TG: variants seen among roughly 807,000 people sequenced by gnomAD.
TG encodes thyroglobulin, also known as thyroid hormones.
Under a neutral mutation model 324.7 loss-of-function variants are expected in TG, and 270 were observed. The ratio of observed to expected loss-of-function variants is 0.83; its 90% confidence interval spans 0.75 to 0.92. The LOEUF (loss-of-function observed/expected upper bound fraction) is 0.92, where lower values mean the gene tolerates loss of function less well. TG is among the 40% of genes least tolerant of loss of function. The probability of loss-of-function intolerance (pLI) is 0.00; values close to 1 mark genes in which losing one functional copy is unlikely to be tolerated. For synonymous variants in TG, 1,401 were observed against 1,327.0 expected (o/e 1.06, Z -1.21); for missense variants, 3,591 against 3,456.4 (o/e 1.04, Z -0.98).
Position 133,011,809 on chromosome 8 carries a change from G to C in TG, c.6263-92G>C. On this transcript the variant is annotated intron_variant, in intron 35 of 47. Transcript: ENST00000220616. ...GAGACCAAGAGGAGGATGCCCCTAA[G>C]GCTGCCTTTGGGGATATTGGGTAAT... 2.5e-6 allele frequency: 4 copies of C among 1,570,876 alleles called. No individual in the cohort carries two copies. The South Asian group carries it at 4.4e-5, about 17-fold the overall frequency.
rs940078 is a variant in TG at position 133,018,172 on chromosome 8, A to T, written c.6782+175A>T. On this transcript the variant is annotated intron_variant, in intron 38 of 47. Transcript: ENST00000220616. ...GCTGTGACAGATAAACTCCTAAGTA[A>T]CAGTGGCTTAACACTGTTTTGCTCA... Among the ~76,000 whole-genome samples, 70,869 of 152,128 alleles carry T rather than the reference A, an allele frequency of 0.47. 17,254 individuals are homozygous for T. Among genetic ancestry groups the T allele is most frequent in the African/African-American group, 0.59 (24,459 of 41,484 alleles).
intron 16 of TG, among the ~76,000 whole-genome samples, chr8:132,901,775 C>T (rs2132291855): frequency 6.6e-6 from 1 of 152,228 alleles, no homozygotes; most frequent in Non-Finnish European, 1.5e-5. Context: ...GGGCAGGGAA[C>T]CCCCAGAACT....
At position 132,937,254 on chromosome 8, in the gene TG, C is replaced by T. The variant is rs186860981; in HGVS notation, c.5041+1390C>T. On this transcript the variant is annotated intron_variant, in intron 25 of 47. Coordinates refer to ENST00000220616, the MANE Select transcript of TG (RefSeq NM_003235.5). The stretch of plus-strand genomic sequence containing the variant: ...GGTTCGTAACTCAGGGCAAGTGGCT[C>T]GGGGCTTCCAGCAGCTTCAGACTTG... 2.0e-4 allele frequency among the ~76,000 whole-genome samples: 30 copies of T among 152,226 alleles called. No individual in the cohort carries two copies. In the East Asian group the frequency reaches 2.3e-3, roughly 12 times the overall value.
At chr8:132,899,869 G>A (rs1817665094) in intron 14 of TG, among the ~76,000 whole-genome samples, 1 of 152,162 alleles carries the variant, frequency 6.6e-6, no homozygotes, top group South Asian at 2.1e-4. Context: ...TCTGGAATTA[G>A]TGAGGCTGGT....
chr8:132,932,292 A>G (rs780154773), intron 23 of TG, among the ~76,000 whole-genome samples: 17 of 152,166 alleles, frequency 1.1e-4, no homozygotes, highest in Non-Finnish European at 1.8e-4. Context: ...TGTCATCTCA[A>G]TAGAGCTGCA....
At chr8:133,005,794 G>A (rs190264041) in intron 35 of TG, among the ~76,000 whole-genome samples, 5 of 152,246 alleles carry the variant, frequency 3.3e-5, no homozygotes, top group African/African-American at 7.2e-5. Flanking sequence ...TCTAACCAGC[G>A]TTGGCTCCCC....
intron 41 of TG, among the ~76,000 whole-genome samples, chr8:133,086,012 C>A (rs768518175): frequency 7.9e-5 from 12 of 152,176 alleles, no homozygotes; most frequent in Non-Finnish European, 8.8e-5. Context: ...AATATGGTTT[C>A]TCTATACAAT....
chr8:132,995,920 A>G (rs1832834826), intron 35 of TG, among the ~76,000 whole-genome samples: 1 of 152,226 alleles, frequency 6.6e-6, no homozygotes, highest in Non-Finnish European at 1.5e-5. Flanking sequence ...ACACAAGCTC[A>G]TAAACTGAAC....
intron 43 of TG, among the ~76,000 whole-genome samples, chr8:133,110,724 A>G (rs1023840912): frequency 2.6e-5 from 4 of 152,206 alleles, no homozygotes; most frequent in African/African-American, 9.7e-5. Flanking sequence ...ACTTAACTCC[A>G]TTTTGCCTAT....
intron 14 of TG, 163 bp downstream of exon 14, chr8:132,899,073 C>T: frequency 1.4e-6 from 1 of 699,532 alleles, no homozygotes; most frequent in Non-Finnish European, 2.6e-6. Flanking sequence ...TGACCTTGGG[C>T]TATTTACTTA....
At chr8:132,951,731 A>G (rs1020362868) in intron 27 of TG, among the ~76,000 whole-genome samples, 2 of 152,222 alleles carry the variant, frequency 1.3e-5, no homozygotes, top group African/African-American at 4.8e-5. Flanking sequence ...AAGGCTGAGT[A>G]GGAGGCTACC....
chr8:132,939,393 G>A (rs73710707), intron 25 of TG, among the ~76,000 whole-genome samples: 2,025 of 152,294 alleles, frequency 0.013, 53 homozygotes, highest in African/African-American at 0.046. Context: ...GGAGAGGGAC[G>A]GTAGAGGGTT....
intron 41 of TG, chr8:133,094,476 G>C (rs1309186474): frequency 5.7e-6 from 1 of 175,242 alleles, no homozygotes. Flanking sequence ...TCCTGACCTT[G>C]TGATCCGCCC....
intron 5 of TG, among the ~76,000 whole-genome samples, chr8:132,879,336 T>G (rs2132105350): frequency 2.0e-5 from 3 of 152,310 alleles, no homozygotes; most frequent in Middle Eastern, 6.8e-3. Flanking sequence ...GAACGAGCAC[T>G]GGAAATGGAC....
At chr8:132,890,629 C>G (rs536049641) in intron 10 of TG, among the ~76,000 whole-genome samples, 1 of 152,286 alleles carries the variant, frequency 6.6e-6, no homozygotes, top group South Asian at 2.1e-4. Flanking sequence ...CTAAGAGAGG[C>G]TCTTTTGAGT....
chr8:132,867,074 T>G lies in TG; in HGVS notation c.67+7T>G. 2 of 1,595,032 alleles carry G rather than the reference T, an allele frequency of 1.3e-6. No individual in the cohort carries two copies. Among genetic ancestry groups the G allele is most frequent in the Non-Finnish European group, 8.6e-7 (1 of 1,169,154 alleles). ...GTGTCGGCCAATATCTTCGGTAAGT[T>G]CTGAGGCCATGGAGCCAGGCGGTGG... On this transcript the variant is annotated splice_region_variant and intron_variant, in intron 1 of 47. Coordinates refer to ENST00000220616, the MANE Select transcript of TG (RefSeq NM_003235.5).
At chr8:133,074,402 G>T (rs1014070139) in intron 41 of TG, among the ~76,000 whole-genome samples, 1 of 152,106 alleles carries the variant, frequency 6.6e-6, no homozygotes, top group Non-Finnish European at 1.5e-5. Context: ...ACTGGCCTGG[G>T]CACCTAGCAT....
chr8:132,893,686 C>T lies in TG; in HGVS notation c.2762-4C>T, dbSNP rs372101475. 47 of 1,613,488 alleles carry T rather than the reference C, an allele frequency of 2.9e-5. No individual in the cohort carries two copies. The highest frequency in any genetic ancestry group is 1.6e-4 in the Middle Eastern group (1 of 6,082). ...GTCCATCTGTGTTATTTTTATTCCCCTAGGTCCTGGCTCCTGTGAGGAAGC... is the reference window on the plus strand; with the variant it reads ...GTCCATCTGTGTTATTTTTATTCCCTTAGGTCCTGGCTCCTGTGAGGAAGC... On this transcript the variant is annotated splice_polypyrimidine_tract_variant and splice_region_variant and intron_variant, in intron 10 of 47. Coordinates refer to ENST00000220616, the MANE Select transcript of TG (RefSeq NM_003235.5).
chr8:132,939,000 C>G (rs779455328), intron 25 of TG, among the ~76,000 whole-genome samples: 1 of 145,218 alleles, frequency 6.9e-6, no homozygotes, highest in Non-Finnish European at 1.5e-5. Flanking sequence ...TGCAGTGAGC[C>G]GAGATTGCAC....
Sources: gnomAD v4.1 joint callset for allele counts (sites outside exome capture counted in the v4.1 genomes callset) on GRCh38, gnomAD v4.1.1 for gene constraint, MANE v1.5 for transcripts, NCBI Gene and HGNC (gene_info 2026-07-23, HGNC 2026-07-21) for gene names.